Variants in CPS1 observed in about 807,000 individuals in gnomAD.
The protein encoded by CPS1 is carbamoyl-phosphate synthase 1.
In CPS1, 109 loss-of-function variants were observed where a neutral mutation model predicts 174.6. The ratio of observed to expected loss-of-function variants is 0.62; its 90% confidence interval spans 0.53 to 0.73. The LOEUF (loss-of-function observed/expected upper bound fraction) is 0.73. Ranked by LOEUF, CPS1 falls within the 30% of genes least tolerant of loss-of-function variation. CPS1 has a pLI of 0.00. For synonymous variants in CPS1, 637 were observed against 632.0 expected (o/e 1.01, Z -0.12); for missense variants, 1,689 against 1,821.9 (o/e 0.93, Z 1.33).
intron 21 of CPS1, among the ~76,000 whole-genome samples, chr2:210,617,282 G>C (rs1236726111): frequency 6.6e-6 from 1 of 151,978 alleles, no homozygotes; most frequent in Admixed American, 6.6e-5. Context: ...AGCAGATTAA[G>C]AAAGACAATA....
In CPS1 at chr2:210,658,655, C is replaced by T. The variant is rs760598756; in HGVS notation, c.3723C>T (p.Asn1241=). 71 of 1,613,870 alleles carry T rather than the reference C, an allele frequency of 4.4e-5. No homozygotes were observed. The highest frequency in any genetic ancestry group is 4.7e-5 in the Non-Finnish European group (56 of 1,179,922). ...AKAFAISGPF[N]VQFLVKGNDV... is the part of the protein sequence containing the mutation. ...CTTTTGCCATCTCTGGTCCATTCAA[C>T]GTCCAATTTCTTGTCAAAGGAAATG... Residue 1241 remains asparagine, a synonymous_variant, in exon 31 of 38, where the codon AAC becomes AAT. Transcript: ENST00000233072.
At chr2:210,659,420 ACT>A (rs1196815028) in intron 31 of CPS1, among the ~76,000 whole-genome samples, 3 of 152,002 alleles carry the variant, frequency 2.0e-5, no homozygotes, top group Non-Finnish European at 4.4e-5. Flanking sequence ...CTCCTACCAG[ACT>A]CTGATTATCC....
chr2:210,555,518 A>G (rs191992479), upstream of CPS1: 11 of 417,652 alleles, frequency 2.6e-5, no homozygotes, highest in East Asian at 5.0e-4. Flanking sequence ...TATATTAAGT[A>G]AGCGTGAGGA....
intron 2 of CPS1, among the ~76,000 whole-genome samples, chr2:210,575,421 T>C (rs1455756990): frequency 6.6e-6 from 1 of 151,940 alleles, no homozygotes; most frequent in Non-Finnish European, 1.5e-5. Context: ...ATGGAAAAAG[T>C]GTAGATAGCT....
intron 21 of CPS1, among the ~76,000 whole-genome samples, chr2:210,627,696 G>A (rs1418806541): frequency 6.6e-6 from 1 of 152,164 alleles, no homozygotes; most frequent in African/African-American, 2.4e-5. Context: ...GCAGGGAGTC[G>A]TAAGTATGGT....
chr2:210,577,696 A>G (rs1017377777), intron 4 of CPS1, among the ~76,000 whole-genome samples, 186 bp downstream of exon 4: 1 of 152,192 alleles, frequency 6.6e-6, no homozygotes, highest in South Asian at 2.1e-4. Context: ...GCTGATGAGC[A>G]CATATTTTCA....
intron 1 of CPS1, among the ~76,000 whole-genome samples, chr2:210,522,306 T>G (rs1370920533): frequency 1.3e-5 from 2 of 152,040 alleles, no homozygotes; most frequent in Non-Finnish European, 2.9e-5. Flanking sequence ...AAGTCAAATT[T>G]TTAAGTTTTG....
chr2:210,500,744 G>A (rs1695116827), intron 1 of CPS1, among the ~76,000 whole-genome samples: 1 of 152,188 alleles, frequency 6.6e-6, no homozygotes, highest in African/African-American at 2.4e-5. Flanking sequence ...CAGTTTTCCA[G>A]GCGTACTGTG....
At chr2:210,593,019 G>T in intron 11 of CPS1, 63 bp downstream of exon 11, 1 of 1,416,230 alleles carries the variant, frequency 7.1e-7, no homozygotes, top group Non-Finnish European at 1.0e-6. Flanking sequence ...GTGGAAATTC[G>T]AGAAACCAAA....
At chr2:210,572,596 A>G (rs1021519463) in intron 1 of CPS1, among the ~76,000 whole-genome samples, 5 of 152,048 alleles carry the variant, frequency 3.3e-5, no homozygotes, top group African/African-American at 1.2e-4. Context: ...AAAGATTATT[A>G]TGGCAAAGTT....
At chr2:210,624,365 C>T (rs1449255098) in intron 21 of CPS1, among the ~76,000 whole-genome samples, 2 of 152,132 alleles carry the variant, frequency 1.3e-5, no homozygotes, top group Non-Finnish European at 2.9e-5. Context: ...ACAGTCTTAC[C>T]AGTTATTACA....
At chr2:210,521,381 TATA>T (rs965516167) in intron 1 of CPS1, among the ~76,000 whole-genome samples, 8 of 151,874 alleles carry the variant, frequency 5.3e-5, no homozygotes, top group African/African-American at 1.7e-4. Flanking sequence ...GCAATTTTAT[TATA>T]ATATTCCTTG....
At chr2:210,659,052 C>T (rs1465445573) in intron 31 of CPS1, among the ~76,000 whole-genome samples, 2 of 151,990 alleles carry the variant, frequency 1.3e-5, no homozygotes, top group Admixed American at 1.3e-4. Flanking sequence ...TACTCCTTAC[C>T]CAGAGACGAT....
chr2:210,615,578 C>A (rs979852347), intron 20 of CPS1, among the ~76,000 whole-genome samples: 1 of 152,070 alleles, frequency 6.6e-6, no homozygotes, highest in African/African-American at 2.4e-5. Context: ...AGATTTTTCA[C>A]AGGGTATATA....
intron 1 of CPS1, among the ~76,000 whole-genome samples, chr2:210,505,775 G>A (rs555685703): frequency 2.0e-5 from 3 of 152,202 alleles, no homozygotes; most frequent in Non-Finnish European, 2.9e-5. Context: ...CTATGCCCAC[G>A]GAGACTTGCT....
chr2:210,670,088 G>A (rs1349850728), intron 34 of CPS1, among the ~76,000 whole-genome samples: 1 of 152,054 alleles, frequency 6.6e-6, no homozygotes, highest in Non-Finnish European at 1.5e-5. Context: ...AAAGTAGTGA[G>A]AGCTGGCTAT....
At chr2:210,599,974 C>A (rs998008874) in intron 14 of CPS1, among the ~76,000 whole-genome samples, 1 of 151,896 alleles carries the variant, frequency 6.6e-6, no homozygotes, top group Non-Finnish European at 1.5e-5. Context: ...ATAGATCAGT[C>A]TTTCTACTAT....
rs1382751100 is a variant in CPS1, at chr2:210,616,415, C to T, written c.2569-8C>T. 2 of 1,583,364 alleles carry T rather than the reference C, an allele frequency of 1.3e-6. No homozygotes were observed. Among genetic ancestry groups the T allele is most frequent in the Non-Finnish European group, 1.7e-6 (2 of 1,152,846 alleles). On this transcript the variant is annotated splice_region_variant and splice_polypyrimidine_tract_variant and intron_variant, in intron 20 of 37. Transcript: ENST00000233072. The stretch of plus-strand genomic sequence containing the variant: ...TGCCAAAGAAAGTATCTCTTCTCCT[C>T]TTGGCAGGCCATTGATGACAACATG...
intron 3 of CPS1, 93 bp downstream of exon 3, chr2:210,576,583 A>G: frequency 2.3e-6 from 3 of 1,303,664 alleles, no homozygotes; most frequent in Non-Finnish European, 3.3e-6. Flanking sequence ...TTTCTTCCTC[A>G]ATACGGTAGT....
Sources: allele counts gnomAD v4.1 joint callset (sites outside exome capture counted in the v4.1 genomes callset), GRCh38; gene constraint gnomAD v4.1.1; transcripts MANE v1.5; gene names NCBI Gene and HGNC (gene_info 2026-07-23, HGNC 2026-07-21).